Variants in ARHGEF3 observed in about 807,000 individuals in gnomAD.
ARHGEF3 encodes 59.8 kDA protein.
A neutral mutation model predicts 63.2 loss-of-function variants in ARHGEF3; 28 were observed. The observed-to-expected ratio is 0.44, with a 90% CI of 0.33 to 0.61. ARHGEF3 has a LOEUF of 0.61. ARHGEF3 is among the 20% of genes least tolerant of loss of function. The pLI is 0.03. For missense variants in ARHGEF3, 533 were observed against 659.3 expected, an observed-to-expected ratio of 0.81 and a Z score of 2.10; for synonymous variants, 266 against 254.2, an observed-to-expected ratio of 1.05 and a Z score of -0.44.
At chr3:56,944,323 A>G (rs930089278) in intron 3 of ARHGEF3, among the ~76,000 whole-genome samples, 1 of 152,182 alleles carries the variant, frequency 6.6e-6, no homozygotes, top group Non-Finnish European at 1.5e-5. Flanking sequence ...AACATTCACA[A>G]TTCATGGACA....
chr3:57,058,912 T>C (rs1344754362), intron 1 of ARHGEF3, among the ~76,000 whole-genome samples: 1 of 147,766 alleles, frequency 6.8e-6, no homozygotes, highest in Admixed American at 7.0e-5. Flanking sequence ...AAACACCGCA[T>C]GTTCTCACTC....
At chr3:56,858,780 AG>A (rs1404590403) in intron 4 of ARHGEF3, among the ~76,000 whole-genome samples, 2 of 152,252 alleles carry the variant, frequency 1.3e-5, no homozygotes, top group Non-Finnish European at 2.9e-5. Context: ...CTGGTTTATT[AG>A]AAGGTGCCAA....
At chr3:56,772,828 G>A (rs1254190542) in intron 2 of ARHGEF3, among the ~76,000 whole-genome samples, 8 of 152,124 alleles carry the variant, frequency 5.3e-5, no homozygotes, top group Admixed American at 3.3e-4. Flanking sequence ...TTCCATGAAC[G>A]TTTGGTGGCA....
chr3:57,071,971 C>T (rs1705931238), intron 1 of ARHGEF3, among the ~76,000 whole-genome samples: 1 of 152,096 alleles, frequency 6.6e-6, no homozygotes, highest in South Asian at 2.1e-4. Context: ...ACCAAATATA[C>T]ATTTCTCCAA....
At chr3:56,760,832 C>G (rs1456238801) in intron 2 of ARHGEF3, among the ~76,000 whole-genome samples, 1 of 152,110 alleles carries the variant, frequency 6.6e-6, no homozygotes, top group Non-Finnish European at 1.5e-5. Context: ...TACATTTGCT[C>G]AGTTTTAGGA....
intron 7 of ARHGEF3, among the ~76,000 whole-genome samples, chr3:56,744,120 C>T (rs2034226384): frequency 6.6e-6 from 1 of 152,180 alleles, no homozygotes; most frequent in African/African-American, 2.4e-5. Context: ...GCTGCTTTCT[C>T]AGAGGACCCC....
chr3:56,958,383 C>T (rs965521569), intron 3 of ARHGEF3, among the ~76,000 whole-genome samples: 1 of 149,956 alleles, frequency 6.7e-6, no homozygotes, highest in Non-Finnish European at 1.5e-5. Flanking sequence ...GGCTGGAGTG[C>T]AGTGGCATGA....
intron 4 of ARHGEF3, among the ~76,000 whole-genome samples, chr3:56,829,793 C>T (rs1261525188): frequency 1.3e-5 from 2 of 152,216 alleles, no homozygotes; most frequent in African/African-American, 4.8e-5. Flanking sequence ...AGAGAGCCCT[C>T]ACCATCAGCC....
In ARHGEF3 at chr3:56,967,155, G is replaced by A. The variant is rs1013795943; in HGVS notation, c.63-8266C>T. Among the ~76,000 whole-genome samples, 6 of 145,456 alleles carry A rather than the reference G, an allele frequency of 4.1e-5. No individual in the cohort carries two copies. In the South Asian group the frequency reaches 6.4e-4, roughly 15 times the overall value. On this transcript the variant is annotated intron_variant, in intron 2 of 12. Transcript: ENST00000338458. The stretch of plus-strand genomic sequence containing the variant: ...TGGGATTACAGGCATGAGCCACCGC[G>A]CCCAGCCTTTTTTTTTTTAAATACA...
In ARHGEF3 at chr3:56,901,676, T is replaced by C. The variant is rs972155876; in HGVS notation, c.130-19322A>G. 2.0e-5 allele frequency among the ~76,000 whole-genome samples: 3 copies of C among 151,686 alleles called. No individual in the cohort carries two copies. In the East Asian group the frequency reaches 5.8e-4, roughly 29 times the overall value. Reference sequence around the variant, plus strand: ...ACTGCTCACTGTAGCCTTAATCTCCTGGGCTCATGTGATCCTTCCTCCTCA... The same window carrying C: ...ACTGCTCACTGTAGCCTTAATCTCCCGGGCTCATGTGATCCTTCCTCCTCA... On this transcript the variant is annotated intron_variant, in intron 3 of 12. Transcript: ENST00000338458.
intron 1 of ARHGEF3, among the ~76,000 whole-genome samples, chr3:56,795,171 G>A (rs540609810): frequency 3.4e-4 from 51 of 152,176 alleles, no homozygotes; most frequent in African/African-American, 1.2e-3. Flanking sequence ...GGTTGAATCC[G>A]TGGATGTGGA....
intron 4 of ARHGEF3, among the ~76,000 whole-genome samples, chr3:56,848,672 T>C (rs2039570422): frequency 6.6e-6 from 1 of 152,184 alleles, no homozygotes; most frequent in South Asian, 2.1e-4. Context: ...ACTTTATTTG[T>C]TTATTTATTT....
At chr3:56,780,954 T>G (rs2036534711) in intron 1 of ARHGEF3, among the ~76,000 whole-genome samples, 1 of 152,238 alleles carries the variant, frequency 6.6e-6, no homozygotes, top group African/African-American at 2.4e-5. Context: ...CCTGTGAATG[T>G]GACCTTATTT....
At chr3:57,013,639 G>A (rs1235750449) in intron 2 of ARHGEF3, among the ~76,000 whole-genome samples, 1 of 152,224 alleles carries the variant, frequency 6.6e-6, no homozygotes, top group Non-Finnish European at 1.5e-5. Flanking sequence ...TCAGCACCCT[G>A]TGTCTAGCTC....
At chr3:56,772,730 C>T (rs1044529345) in intron 2 of ARHGEF3, among the ~76,000 whole-genome samples, 4 of 152,080 alleles carry the variant, frequency 2.6e-5, no homozygotes, top group Non-Finnish European at 4.4e-5. Flanking sequence ...ACTTAGTTAA[C>T]GAATTTGAAG....
chr3:56,978,825 G>A (rs1335464627), intron 2 of ARHGEF3, among the ~76,000 whole-genome samples: 4 of 152,184 alleles, frequency 2.6e-5, no homozygotes, highest in East Asian at 3.8e-4. Flanking sequence ...AAGCTAGACA[G>A]AGCTCACACA....
intron 2 of ARHGEF3, among the ~76,000 whole-genome samples, chr3:57,012,246 CTT>C (rs1416378951): frequency 1.3e-5 from 2 of 152,154 alleles, no homozygotes; most frequent in Non-Finnish European, 2.9e-5. Context: ...ACTAAGCCCT[CTT>C]TTGTTATTGT....
chr3:57,002,940 A>AT (rs1339446848), intron 2 of ARHGEF3, among the ~76,000 whole-genome samples: 1 of 151,190 alleles, frequency 6.6e-6, no homozygotes, highest in East Asian at 2.0e-4. Context: ...CGCCCGGCTA[A>AT]TTTTTTGTAT....
chr3:57,027,808 G>A (rs1273480618), intron 2 of ARHGEF3, among the ~76,000 whole-genome samples: 26 of 152,020 alleles, frequency 1.7e-4, no homozygotes, highest in African/African-American at 5.3e-4. Flanking sequence ...GCAGTGAGCC[G>A]AGATCACGCC....
Sources: allele counts gnomAD v4.1 joint callset (sites outside exome capture counted in the v4.1 genomes callset), GRCh38; gene constraint gnomAD v4.1.1; transcripts MANE v1.5; gene names NCBI Gene and HGNC (gene_info 2026-07-23, HGNC 2026-07-21).